The following CSNK1E variants were observed in gnomAD, a reference collection of about 807,000 sequenced individuals.
The protein encoded by CSNK1E is casein kinase 1 epsilon.
In CSNK1E, 17 loss-of-function variants were observed where a neutral mutation model predicts 46.1. The ratio of observed to expected loss-of-function variants is 0.37; its 90% confidence interval spans 0.25 to 0.55. The LOEUF (loss-of-function observed/expected upper bound fraction) is 0.55. CSNK1E is among the 20% of genes least tolerant of loss of function. The probability of loss-of-function intolerance (pLI) is 0.82; values close to 1 mark genes in which losing one functional copy is unlikely to be tolerated. For synonymous variants in CSNK1E, 241 were observed against 242.6 expected (o/e 0.99, Z 0.06); for missense variants, 386 against 595.4 (o/e 0.65, Z 3.66).
intron 7 of CSNK1E, chr22:38,296,671 G>A (rs2092642382): frequency 1.2e-6 from 2 of 1,612,764 alleles, no homozygotes; most frequent in Non-Finnish European, 1.7e-6. Context: ...GCAGTGGGTG[G>A]AGAGGTGCTC....
chr22:38,298,671 G>T lies in CSNK1E; in HGVS notation c.885+115C>A. On this transcript the variant is annotated intron_variant, in intron 7 of 10. Coordinates refer to ENST00000396832, the MANE Select transcript of CSNK1E (RefSeq NM_152221.3). This position sits in a 1 kb window ranked among gnomAD's most constrained non-coding sequence, Gnocchi z 4.2. ...CCAGTGAGGTCAACCACACTGTCCA[G>T]CTCGTACCTCCCGTCTGTCGGGAGC... is the stretch of plus-strand genomic sequence containing the variant. 1 of 1,243,160 alleles carries T rather than the reference G, an allele frequency of 8.0e-7. No homozygotes were observed. Among genetic ancestry groups the T allele is most frequent in the Non-Finnish European group, 1.2e-6 (1 of 868,724 alleles). 77.0% of individuals were successfully genotyped at this position (1,243,160 alleles called of 1,614,324 possible). A position where few individuals can be genotyped will look rare whatever the true frequency, so the allele number is the denominator to read the frequency against.
chr22:38,317,496 C>CCCG (rs888841490), upstream of CSNK1E: 7 of 143,946 alleles, frequency 4.9e-5, no homozygotes, highest in Admixed American at 3.4e-4. Context: ...TCATCCCCGG[C>CCCG]CCGCCGCCGC....
At chr22:38,311,439 A>AT (rs1323668864) in intron 2 of CSNK1E, among the ~76,000 whole-genome samples, 1 of 151,736 alleles carries the variant, frequency 6.6e-6, no homozygotes, top group South Asian at 2.1e-4. Context: ...AAGATTCTGG[A>AT]TTTTCTGAGT....
chr22:38,298,528 G>T lies in CSNK1E; in HGVS notation c.885+258C>A. 4.1e-6 allele frequency: 2 copies of T among 485,240 alleles called. No homozygotes were observed. Among genetic ancestry groups the T allele is most frequent in the Non-Finnish European group, 7.5e-6 (2 of 266,126 alleles). The allele number at this position is 485,240 out of a possible 1,614,324, so 30.1% of individuals were successfully genotyped here. ...ATGCCCTGCTGCGGGCACCCAGGAG[G>T]GACCCCAGGTGAAGCCAGATCCTCC... On this transcript the variant is annotated intron_variant, in intron 7 of 10. Transcript: ENST00000396832. The surrounding 1 kb of genome is among the most constrained non-coding windows in gnomAD (Gnocchi z 4.2).
chr22:38,299,914 G>A lies in CSNK1E; in HGVS notation c.717C>T (p.Val239=), dbSNP rs1211627129. 6.2e-7 allele frequency: 1 copy of A among 1,614,158 alleles called. No individual in the cohort carries two copies. Among genetic ancestry groups the A allele is most frequent in the South Asian group, 1.1e-5 (1 of 91,086 alleles). Residue 239 remains valine, a synonymous_variant, in exon 6 of 11, where the codon GTC becomes GTT. Coordinates refer to ENST00000396832, the MANE Select transcript of CSNK1E (RefSeq NM_152221.3). ...ACTCACAGGGATAGCCTTTGCAGAG[G>A]ACCTCGATGGGCGTTGACATCTTCT... ...SEKKMSTPIE[V]LCKGYPSEFS...
intron 7 of CSNK1E, chr22:38,296,435 C>G: frequency 6.8e-7 from 1 of 1,466,496 alleles, no homozygotes; most frequent in African/African-American, 1.4e-5. Context: ...GGTGTCCTGT[C>G]TACTGTTGGG....
intron 1 of CSNK1E, among the ~76,000 whole-genome samples, chr22:38,314,533 G>A (rs933348941): frequency 6.6e-6 from 1 of 152,174 alleles, no homozygotes; most frequent in Non-Finnish European, 1.5e-5. Flanking sequence ...TACTGCCCCT[G>A]CCCAGAGGCC....
At chr22:38,313,209 T>C (rs545788611) in intron 2 of CSNK1E, among the ~76,000 whole-genome samples, 1 of 152,158 alleles carries the variant, frequency 6.6e-6, no homozygotes, top group South Asian at 2.1e-4. Context: ...ACAGAGCTGA[T>C]TTTCATTTTC....
At chr22:38,302,770 CCATCCTCTGG>C (rs1176438792) in intron 4 of CSNK1E, 81 bp downstream of exon 4, 14 of 1,501,136 alleles carry the variant, frequency 9.3e-6, no homozygotes, top group African/African-American at 1.4e-5. Flanking sequence ...TGGCCCAGGC[CCATCCTCTGG>C]CATCCTCTGG....
At chr22:38,312,026 A>G (rs1368637023) in intron 2 of CSNK1E, among the ~76,000 whole-genome samples, 2 of 151,572 alleles carry the variant, frequency 1.3e-5, no homozygotes, top group African/African-American at 4.9e-5. Flanking sequence ...CTGGTCTCGA[A>G]CTCCTGACCT....
At position 38,298,751 on chromosome 22, in the gene CSNK1E, TCCC is replaced by T; in HGVS notation, c.885+32_885+34del. ...CTGAGTCAGGGCCTTCCCCATCCAG[TCCC>T]CCAAGCCCGCCTTGGCCTCCAGGTG... On this transcript the variant is annotated intron_variant, in intron 7 of 10. Coordinates refer to ENST00000396832, the MANE Select transcript of CSNK1E (RefSeq NM_152221.3). The surrounding 1 kb of genome is among the most constrained non-coding windows in gnomAD (Gnocchi z 4.2). 6.2e-7 allele frequency: 1 copy of T among 1,612,074 alleles called. No homozygotes were observed. Among genetic ancestry groups the T allele is most frequent in the Non-Finnish European group, 8.5e-7 (1 of 1,179,176 alleles).
At position 38,310,163 on chromosome 22, in the gene CSNK1E, G is replaced by A. The variant is rs769784778; in HGVS notation, c.76+3919C>T. Reference sequence around the variant, plus strand: ...TGGCAGAGGCTGTGTCTGGGAGCCGGCTGAGCATAGATGCAGGGGTGCCCC... The same window carrying A: ...TGGCAGAGGCTGTGTCTGGGAGCCGACTGAGCATAGATGCAGGGGTGCCCC... On this transcript the variant is annotated intron_variant, in intron 2 of 10. Transcript: ENST00000396832. Among the ~76,000 whole-genome samples, 5 of 152,306 alleles carry A rather than the reference G, an allele frequency of 3.3e-5. No individual in the cohort carries two copies. The East Asian group carries it at 9.7e-4, about 29-fold the overall frequency.
chr22:38,313,631 C>T (rs1262452783), intron 2 of CSNK1E, among the ~76,000 whole-genome samples: 8 of 152,212 alleles, frequency 5.3e-5, no homozygotes, highest in Admixed American at 3.3e-4. Flanking sequence ...GGGGAGCCTG[C>T]GTCATCCCAA....
upstream of CSNK1E, chr22:38,317,941 T>C (rs925147805): frequency 1.3e-5 from 2 of 152,212 alleles, no homozygotes; most frequent in African/African-American, 4.8e-5. Context: ...AGGAGACAGC[T>C]AGGGATGTCG....
chr22:38,312,176 C>T (rs2092723949), intron 2 of CSNK1E, among the ~76,000 whole-genome samples: 1 of 152,208 alleles, frequency 6.6e-6, no homozygotes, highest in Admixed American at 6.5e-5. Context: ...GTAGCCTCAA[C>T]CTCCATGGCT....
At position 38,300,194 on chromosome 22, in the gene CSNK1E, G is replaced by T. The variant is rs1016811039; in HGVS notation, c.566-129C>A. 1 of 810,170 alleles carries T rather than the reference G, an allele frequency of 1.2e-6. No individual in the cohort carries two copies. The highest frequency in any genetic ancestry group is 1.9e-6 in the Non-Finnish European group (1 of 524,414). The allele number at this position is 810,170 out of a possible 1,614,324, so 50.2% of individuals were successfully genotyped here. On this transcript the variant is annotated intron_variant, in intron 5 of 10. Transcript: ENST00000396832. The surrounding 1 kb of genome is among the most constrained non-coding windows in gnomAD (Gnocchi z 4.4). ...CCACGTCGGATGTTGCTCACTGCAC[G>T]CATTTTAAACAGGCACTGCTATTAT...
intron 9 of CSNK1E, 123 bp downstream of exon 9, chr22:38,293,986 G>A: frequency 8.6e-7 from 1 of 1,166,896 alleles, no homozygotes; most frequent in South Asian, 1.5e-5. Flanking sequence ...TCTACAGAAG[G>A]GGTTCACTCC....
At chr22:38,302,741 G>T in intron 4 of CSNK1E, 120 bp downstream of exon 4, 1 of 1,142,186 alleles carries the variant, frequency 8.8e-7, no homozygotes, top group Admixed American at 2.3e-5. Flanking sequence ...CAATTCTATA[G>T]CCAGTGGACA....
rs1382645377 is a variant in CSNK1E at position 38,294,632 on chromosome 22, G to A, written c.886-98C>T. ...GCACAGAAGGGGAGGGAGGCCAGGT[G>A]GATATCTCAGAAACCTTCTGCTCCA... On this transcript the variant is annotated intron_variant, in intron 7 of 10. Transcript: ENST00000396832. The surrounding 1 kb of genome is among the most constrained non-coding windows in gnomAD (Gnocchi z 5.5). The A allele has an allele frequency of 8.5e-7, 1 of 1,178,430 alleles. No individual in the cohort carries two copies. The highest frequency in any genetic ancestry group is 1.6e-5 in the African/African-American group (1 of 63,718). The allele number at this position is 1,178,430 out of a possible 1,614,324, so 73.0% of individuals were successfully genotyped here.
Sources: allele counts gnomAD v4.1 joint callset (sites outside exome capture counted in the v4.1 genomes callset), GRCh38; gene constraint gnomAD v4.1.1; non-coding constraint Gnocchi (gnomAD v3.1); transcripts MANE v1.5; gene names NCBI Gene and HGNC (gene_info 2026-07-23, HGNC 2026-07-21).